The following EGFLAM variants were observed in gnomAD, a reference collection of about 807,000 sequenced individuals.
The protein encoded by EGFLAM is pikachurin.
Under a neutral mutation model 113.1 loss-of-function variants are expected in EGFLAM, and 79 were observed. That is an observed-to-expected ratio of 0.70 (90% CI 0.58 to 0.84). The LOEUF (loss-of-function observed/expected upper bound fraction) is 0.84, where lower values mean the gene tolerates loss of function less well. Among genes scored for constraint, EGFLAM ranks in the 40% least tolerant of loss-of-function variants. EGFLAM has a pLI of 0.00. For synonymous variants in EGFLAM, 504 were observed against 487.6 expected (o/e 1.03, Z -0.44); for missense variants, 1,265 against 1,291.6 (o/e 0.98, Z 0.32).
At chr5:38,447,821 A>G (rs1359182188) in intron 17 of EGFLAM, among the ~76,000 whole-genome samples, 1 of 152,076 alleles carries the variant, frequency 6.6e-6, no homozygotes, top group African/African-American at 2.4e-5. Context: ...GCGGGAGTCC[A>G]AGCCTCATTC....
chr5:38,348,959 T>A (rs951772415), intron 3 of EGFLAM, among the ~76,000 whole-genome samples: 9 of 152,300 alleles, frequency 5.9e-5, no homozygotes, highest in Admixed American at 1.3e-4. Flanking sequence ...AGATTCTGAT[T>A]TAAGTGGTCT....
At chr5:38,401,571 GT>G (rs1320282923) in intron 6 of EGFLAM, among the ~76,000 whole-genome samples, 2 of 152,134 alleles carry the variant, frequency 1.3e-5, no homozygotes, top group Admixed American at 1.3e-4. Context: ...AGTTTTCGGG[GT>G]CTTTGGATTG....
At chr5:38,422,716 C>T (rs370217782) in intron 12 of EGFLAM, among the ~76,000 whole-genome samples, 1 of 152,068 alleles carries the variant, frequency 6.6e-6, no homozygotes, top group African/African-American at 2.4e-5. Flanking sequence ...AATGATACTT[C>T]AAAAAATGTG....
At chr5:38,312,161 G>A (rs1237033123) in intron 1 of EGFLAM, among the ~76,000 whole-genome samples, 2 of 152,062 alleles carry the variant, frequency 1.3e-5, no homozygotes, top group Non-Finnish European at 1.5e-5. Flanking sequence ...GAGCCAATCT[G>A]TCTTGGTTCA....
chr5:38,378,225 G>C (rs1331937835), intron 6 of EGFLAM, among the ~76,000 whole-genome samples: 1 of 151,928 alleles, frequency 6.6e-6, no homozygotes, highest in Non-Finnish European at 1.5e-5. Context: ...ACACCTTCCT[G>C]CTTGCTTAGT....
chr5:38,385,185 G>A (rs2112072373), intron 6 of EGFLAM, among the ~76,000 whole-genome samples: 1 of 151,554 alleles, frequency 6.6e-6, no homozygotes, highest in South Asian at 2.1e-4. Context: ...TATAATAAGT[G>A]TATGCAATTT....
intron 10 of EGFLAM, among the ~76,000 whole-genome samples, chr5:38,409,423 C>G (rs1741401314): frequency 6.6e-6 from 1 of 151,820 alleles, no homozygotes; most frequent in Non-Finnish European, 1.5e-5. Context: ...TTGAATGTAC[C>G]TGGCACTGCA....
At chr5:38,374,128 GCTGA>G (rs1579836771) in intron 6 of EGFLAM, among the ~76,000 whole-genome samples, 1 of 152,110 alleles carries the variant, frequency 6.6e-6, no homozygotes, top group Admixed American at 6.5e-5. Flanking sequence ...GATTAGTGAT[GCTGA>G]CTATTTTTTC....
At chr5:38,420,927 A>G (rs1290280025) in intron 12 of EGFLAM, among the ~76,000 whole-genome samples, 1 of 152,172 alleles carries the variant, frequency 6.6e-6, no homozygotes. Context: ...TATTAATGGC[A>G]TGTGTCAGCC....
In EGFLAM at chr5:38,463,020, C is replaced by A. The variant is rs762508732; in HGVS notation, c.2875+9C>A. 2.5e-6 allele frequency: 4 copies of A among 1,611,120 alleles called. No homozygotes were observed. The highest frequency in any genetic ancestry group is 1.3e-5 in the African/African-American group (1 of 74,862). On this transcript the variant is annotated intron_variant, in intron 21 of 21. Transcript: ENST00000322350. ...TGGAGCTCTGTATGTGGGTAAGTGA[C>A]CGACCCTCGACCAAAGCAAAATTAG...
In EGFLAM at chr5:38,463,948, G is replaced by A. The variant is rs752891776; in HGVS notation, c.2992G>A (p.Val998Met). 18 of 1,614,090 alleles carry A rather than the reference G, an allele frequency of 1.1e-5. No homozygotes were observed. The highest frequency in any genetic ancestry group is 6.7e-5 in the African/African-American group (5 of 74,926). ...DYHISLVEDA[V>M]DGKNINTCGA... ...CCACATTTCCCTCGTGGAAGATGCC[G>A]TGGATGGGAAAAACATCAACACTTG... The change falls in exon 22 of 22, where the codon GTG becomes ATG. Residue 998 changes from valine (V) to methionine (M), a missense_variant. Coordinates refer to ENST00000322350, the MANE Select transcript of EGFLAM (RefSeq NM_152403.4).
chr5:38,402,519 C>CA (rs1385426194), intron 6 of EGFLAM, among the ~76,000 whole-genome samples: 1 of 152,224 alleles, frequency 6.6e-6, no homozygotes, highest in East Asian at 1.9e-4. Flanking sequence ...TCTACCTCCA[C>CA]AGTGGCTTCT....
Position 38,435,196 on chromosome 5 carries a change from T to C in EGFLAM, c.2226T>C (p.Tyr742=). Residue 742 remains tyrosine, a synonymous_variant, in exon 16 of 22, where the codon TAT becomes TAC. Transcript: ENST00000322350. Reference sequence around the variant, plus strand: ...TTTTCATTGGCGGAGTCCCCAATTATGATGATGTGAAGAAGAACTCGGGTG... The same window carrying C: ...TTTTCATTGGCGGAGTCCCCAATTACGATGATGTGAAGAAGAACTCGGGTG... ...TDIFIGGVPN[Y]DDVKKNSGVL... is the part of the protein sequence containing the mutation. The C allele has an allele frequency of 6.2e-7, 1 of 1,614,158 alleles. No individual in the cohort carries two copies. Among genetic ancestry groups the C allele is most frequent in the Non-Finnish European group, 8.5e-7 (1 of 1,180,028 alleles).
chr5:38,414,412 C>T (rs1291683088), intron 11 of EGFLAM, among the ~76,000 whole-genome samples: 1 of 152,278 alleles, frequency 6.6e-6, no homozygotes, highest in Non-Finnish European at 1.5e-5. Flanking sequence ...TGTCTAATCG[C>T]TTAAAGTGGG....
chr5:38,384,350 C>T (rs530525815), intron 6 of EGFLAM, among the ~76,000 whole-genome samples: 3 of 152,200 alleles, frequency 2.0e-5, no homozygotes, highest in Non-Finnish European at 4.4e-5. Context: ...GTGATCCTTG[C>T]GCTTCCTGTC....
chr5:38,430,739 G>A (rs559424876), intron 14 of EGFLAM, among the ~76,000 whole-genome samples: 1 of 152,292 alleles, frequency 6.6e-6, no homozygotes, highest in Admixed American at 6.5e-5. Flanking sequence ...CAAGCTGGCA[G>A]CCCAGGAAAT....
chr5:38,424,221 A>C (rs1241695202), intron 12 of EGFLAM, among the ~76,000 whole-genome samples: 1 of 152,222 alleles, frequency 6.6e-6, no homozygotes, highest in Non-Finnish European at 1.5e-5. Context: ...TCCTCTGATG[A>C]CCTGCACTTG....
intron 10 of EGFLAM, among the ~76,000 whole-genome samples, chr5:38,411,683 A>G (rs1465325553): frequency 6.6e-6 from 1 of 151,932 alleles, no homozygotes; most frequent in Non-Finnish European, 1.5e-5. Context: ...GGGTTTCACC[A>G]TGTTGGCCAG....
At chr5:38,298,203 G>A (rs1758492720) in intron 1 of EGFLAM, among the ~76,000 whole-genome samples, 2 of 152,144 alleles carry the variant, frequency 1.3e-5, no homozygotes, top group African/African-American at 2.4e-5. Flanking sequence ...TTTCTTTGAC[G>A]TTTTCTTCTT....
Sources: allele counts gnomAD v4.1 joint callset (sites outside exome capture counted in the v4.1 genomes callset), GRCh38; gene constraint gnomAD v4.1.1; transcripts MANE v1.5; gene names NCBI Gene and HGNC (gene_info 2026-07-23, HGNC 2026-07-21).